TRPA1: variants seen among roughly 807,000 people sequenced by gnomAD.
TRPA1 encodes the protein transient receptor potential cation channel subfamily A member 1.
TRPA1 carries 129 observed loss-of-function variants against 131.3 expected under a neutral mutation model. The ratio of observed to expected loss-of-function variants is 0.98; its 90% CI spans 0.85 to 1.14. The LOEUF is 1.14. Ranked by LOEUF, TRPA1 falls within the 50% of genes most tolerant of loss-of-function variation. The probability of loss-of-function intolerance (pLI) is 0.00; values close to 1 mark genes in which losing one functional copy is unlikely to be tolerated. For missense variants in TRPA1, 1,304 were observed against 1,354.2 expected, an observed-to-expected ratio of 0.96 and a Z score of 0.58; for synonymous variants, 441 against 451.7, an observed-to-expected ratio of 0.98 and a Z score of 0.30.
At chr8:72,040,978 T>C (rs1812231641) in intron 17 of TRPA1, among the ~76,000 whole-genome samples, 1 of 152,082 alleles carries the variant, frequency 6.6e-6, no homozygotes, top group Non-Finnish European at 1.5e-5. Context: ...TACAAGAGAC[T>C]CACTTTAGAT....
chr8:72,066,285 T>C (rs948642261), intron 3 of TRPA1, among the ~76,000 whole-genome samples: 1 of 152,236 alleles, frequency 6.6e-6, no homozygotes, highest in Non-Finnish European at 1.5e-5. Context: ...TATAGGTCTT[T>C]GACTAGTCTT....
At chr8:72,052,808 T>C (rs13271151) in intron 13 of TRPA1, 43 bp from the exon 14 acceptor site, 155,591 of 1,607,876 alleles carry the variant, frequency 0.097, 8,351 homozygotes, top group African/African-American at 0.14. Context: ...TGACAGTGTC[T>C]AATCTGTCTT....
chr8:72,042,354 C>A (rs1406801823), intron 17 of TRPA1, among the ~76,000 whole-genome samples: 1 of 151,762 alleles, frequency 6.6e-6, no homozygotes. Flanking sequence ...AGTTTAAAAC[C>A]ACAACGAGAT....
In TRPA1 at chr8:72,053,887, A is replaced by T. The variant is rs780414316; in HGVS notation, c.1530-20T>A. The T allele has an allele frequency of 6.3e-7, 1 of 1,584,436 alleles. No individual in the cohort carries two copies. The highest frequency in any genetic ancestry group is 1.1e-5 in the South Asian group (1 of 89,098). On this transcript the variant is annotated intron_variant, in intron 12 of 26. Coordinates refer to ENST00000262209, the MANE Select transcript of TRPA1 (RefSeq NM_007332.3). ...TGGTCACTGGTAAAGAGTTAAGAAA[A>T]GATGTGTGCATACACTTAACAGATG...
At chr8:72,034,753 A>G (rs1223099241) in intron 21 of TRPA1, among the ~76,000 whole-genome samples, 1 of 152,112 alleles carries the variant, frequency 6.6e-6, no homozygotes, top group African/African-American at 2.4e-5. Context: ...CATCACCCCC[A>G]GGCTGATCGT....
Position 72,075,328 on chromosome 8 carries a change from C to A in TRPA1, c.82G>T (p.Asp28Tyr). 4 of 1,613,440 alleles carry A rather than the reference C, an allele frequency of 2.5e-6. No individual in the cohort carries two copies. The highest frequency in any genetic ancestry group is 1.1e-5 in the South Asian group (1 of 91,060). Residue 28 changes from aspartate to tyrosine, a missense_variant, in exon 1 of 27, where the codon GAC (aspartate) becomes TAC (tyrosine). By Grantham distance (160) the Asp-to-Tyr change is radical (BLOSUM62 -3). Transcript: ENST00000262209. ...QGVVYEDVPDDTEDFKESLKV... is the reference protein window; with the variant it reads ...QGVVYEDVPDYTEDFKESLKV... ...AGCGATTCCTTGAAATCCTCCGTGT[C>A]GTCCGGCACATCCTCATAGACAACG...
At chr8:72,055,170 C>A (rs1805630285) in intron 12 of TRPA1, 2 of 424,048 alleles carry the variant, frequency 4.7e-6, no homozygotes, top group East Asian at 4.6e-5. Context: ...AGAAAGACTG[C>A]ACAAAGCCAA....
chr8:72,073,004 G>C (rs1221569117), intron 1 of TRPA1, among the ~76,000 whole-genome samples: 2 of 152,170 alleles, frequency 1.3e-5, no homozygotes, highest in Non-Finnish European at 2.9e-5. Context: ...GTAAGCCAAG[G>C]ATGTCATTTA....
chr8:72,023,805 A>G lies in TRPA1; in HGVS notation c.3149+9T>C, dbSNP rs1811483352. The G allele has an allele frequency of 6.8e-7, 1 of 1,469,558 alleles. No individual in the cohort carries two copies. Among genetic ancestry groups the G allele is most frequent in the Admixed American group, 1.7e-5 (1 of 59,672 alleles). 91.0% of individuals were successfully genotyped at this position (1,469,558 alleles called of 1,614,324 possible). On this transcript the variant is annotated intron_variant, in intron 26 of 26. Transcript: ENST00000262209. The stretch of plus-strand genomic sequence containing the variant: ...TTTCTCAAGTACAGATAGAAGGAAA[A>G]ATACATACCGGTATTTCTGCTTTAA...
upstream of TRPA1, among the ~76,000 whole-genome samples, chr8:72,079,510 A>G (rs1248601756): frequency 2.0e-5 from 3 of 151,996 alleles, no homozygotes; most frequent in Admixed American, 2.0e-4. Flanking sequence ...AAATCAATTG[A>G]CTACAAATGT....
intron 21 of TRPA1, among the ~76,000 whole-genome samples, chr8:72,035,897 GGT>G (rs1812022089): frequency 6.7e-6 from 1 of 150,012 alleles, no homozygotes; most frequent in Admixed American, 6.7e-5. Context: ...ATTCATTTTT[GGT>G]TGTCATAACT....
At chr8:72,024,194 A>G in intron 25 of TRPA1, among the ~76,000 whole-genome samples, 1 of 152,210 alleles carries the variant, frequency 6.6e-6, no homozygotes. Context: ...ATTGTTCTAT[A>G]TATTTTCATG....
At chr8:72,036,028 A>AAG (rs1554533549) in intron 21 of TRPA1, among the ~76,000 whole-genome samples, 17 of 141,074 alleles carry the variant, frequency 1.2e-4, no homozygotes, top group African/African-American at 3.5e-4. Flanking sequence ...AAAAAAAAAA[A>AAG]AAGAAGAAGA....
intron 17 of TRPA1, among the ~76,000 whole-genome samples, chr8:72,043,353 C>T (rs888676152): frequency 6.6e-6 from 1 of 151,818 alleles, no homozygotes; most frequent in African/African-American, 2.4e-5. Flanking sequence ...ATTTATTCAA[C>T]ACAGCCTAGA....
chr8:72,087,890 A>G, the TRPA1 span, among the ~76,000 whole-genome samples: 1 of 152,114 alleles, frequency 6.6e-6, no homozygotes, highest in Non-Finnish European at 1.5e-5. Flanking sequence ...GTCTCTGATG[A>G]CAGAGGCTGG....
At chr8:72,067,127 A>G (rs1194495876) in intron 3 of TRPA1, among the ~76,000 whole-genome samples, 1 of 152,194 alleles carries the variant, frequency 6.6e-6, no homozygotes, top group East Asian at 1.9e-4. Context: ...CTTTACAACC[A>G]TTATAGGCAG....
intron 18 of TRPA1, 141 bp downstream of exon 18, chr8:72,039,586 C>T: frequency 1.6e-6 from 1 of 613,772 alleles, no homozygotes; most frequent in Non-Finnish European, 2.9e-6. Flanking sequence ...GGGCATTTGC[C>T]TTACTTATTT....
At chr8:72,072,021 G>T (rs10100221) in intron 1 of TRPA1, among the ~76,000 whole-genome samples, 154 bp from the exon 2 acceptor site, 3 of 151,884 alleles carry the variant, frequency 2.0e-5, no homozygotes, top group Non-Finnish European at 2.9e-5. Flanking sequence ...AAATGTTTAC[G>T]GACACAAAGA....
intron 23 of TRPA1, 111 bp from the exon 24 acceptor site, chr8:72,030,080 G>T: frequency 3.0e-6 from 3 of 1,016,148 alleles, no homozygotes; most frequent in South Asian, 1.3e-5. Flanking sequence ...TTTAGTCTGG[G>T]TAGTGTATAA....
Sources: allele counts gnomAD v4.1 joint callset (sites outside exome capture counted in the v4.1 genomes callset), GRCh38; gene constraint gnomAD v4.1.1; transcripts MANE v1.5; gene names NCBI Gene and HGNC (gene_info 2026-07-23, HGNC 2026-07-21).